The following RYR2 variants were observed in gnomAD, a reference collection of about 807,000 sequenced individuals.
RYR2 encodes the protein cardiac muscle ryanodine receptor-calcium release channel.
A neutral mutation model predicts 601.1 loss-of-function variants in RYR2; 227 were observed. The observed-to-expected ratio is 0.38, with a 90% confidence interval of 0.34 to 0.42. RYR2 has a LOEUF of 0.42. Ranked by LOEUF, RYR2 falls within the 10% of genes least tolerant of loss-of-function variation. The pLI, the probability that RYR2 is intolerant of heterozygous loss-of-function variation, is 1.00. For missense variants in RYR2, 4,646 were observed against 6,156.5 expected (o/e 0.75, Z 8.21); for synonymous variants, 2,223 against 2,175.1 (o/e 1.02, Z -0.61).
intron 10 of RYR2, among the ~76,000 whole-genome samples, chr1:237,400,839 T>A (rs2149929336): frequency 6.6e-6 from 1 of 152,234 alleles, no homozygotes; most frequent in Admixed American, 6.5e-5. Flanking sequence ...ATTTAGTGTT[T>A]GGAGCAGCCT....
At chr1:237,101,935 G>A (rs1380265527) in intron 1 of RYR2, among the ~76,000 whole-genome samples, 5 of 152,208 alleles carry the variant, frequency 3.3e-5, no homozygotes, top group African/African-American at 1.2e-4. Flanking sequence ...CTTGTTTAAA[G>A]TGTATTCGTA....
intron 26 of RYR2, among the ~76,000 whole-genome samples, chr1:237,549,596 C>G (rs927818744): frequency 6.8e-6 from 1 of 147,160 alleles, no homozygotes; most frequent in Non-Finnish European, 1.5e-5. Context: ...CTCTGGTTTA[C>G]CAGAACAACC....
At chr1:237,551,195 G>A (rs1218786522) in intron 27 of RYR2, among the ~76,000 whole-genome samples, 1 of 152,170 alleles carries the variant, frequency 6.6e-6, no homozygotes, top group Non-Finnish European at 1.5e-5. Flanking sequence ...ATTTTTAAAG[G>A]TTCTGCAAAG....
At chr1:237,333,560 C>T (rs1329139631) in intron 3 of RYR2, 1 of 454,930 alleles carries the variant, frequency 2.2e-6, no homozygotes, top group Non-Finnish European at 4.4e-6. Flanking sequence ...CAACTGTTTA[C>T]CAAGAAGGAT....
intron 73 of RYR2, 89 bp downstream of exon 73, chr1:237,718,610 A>C: frequency 1.6e-6 from 1 of 638,540 alleles, no homozygotes; most frequent in Non-Finnish European, 2.7e-6. Context: ...ATGTTACTTT[A>C]AACATTAAGG....
intron 81 of RYR2, among the ~76,000 whole-genome samples, chr1:237,757,002 A>AT (rs1300621152): frequency 6.6e-6 from 1 of 152,214 alleles, no homozygotes; most frequent in Non-Finnish European, 1.5e-5. Context: ...TTTCAAGATG[A>AT]TTTTTTGTAC....
intron 104 of RYR2, among the ~76,000 whole-genome samples, chr1:237,831,888 A>C (rs960699478): frequency 1.3e-5 from 2 of 152,138 alleles, no homozygotes. Flanking sequence ...GATGATTTCC[A>C]ATGAACTTCA....
At chr1:237,144,856 G>A (rs1490491336) in intron 1 of RYR2, among the ~76,000 whole-genome samples, 1 of 152,124 alleles carries the variant, frequency 6.6e-6, no homozygotes, top group African/African-American at 2.4e-5. Flanking sequence ...AGTGAAACAT[G>A]CATCCAACTC....
In RYR2 at chr1:237,830,690, A is replaced by G. The variant is rs570462366; in HGVS notation, c.14756+60A>G. ...CAGTAGACGCCACTGGTCCCTGCCC[A>G]TCTCAGAATAGAGAGGAAGTTTTTG... On this transcript the variant is annotated intron_variant, in intron 103 of 104. Transcript: ENST00000366574. 43 of 789,582 alleles carry G rather than the reference A, an allele frequency of 5.4e-5. No individual in the cohort carries two copies. In the South Asian group the frequency reaches 6.2e-4, roughly 11 times the overall value. 48.9% of individuals were successfully genotyped at this position (789,582 alleles called of 1,614,324 possible).
intron 1 of RYR2, among the ~76,000 whole-genome samples, chr1:237,138,322 C>G (rs1201502345): frequency 6.6e-6 from 1 of 152,188 alleles, no homozygotes; most frequent in African/African-American, 2.4e-5. Flanking sequence ...CGTGAGCCAC[C>G]ATGCCCATCC....
intron 2 of RYR2, among the ~76,000 whole-genome samples, chr1:237,276,553 T>C (rs1165331068): frequency 2.0e-5 from 3 of 152,092 alleles, no homozygotes; most frequent in Non-Finnish European, 4.4e-5. Flanking sequence ...AAATTGGTCC[T>C]TTGAAAAAAA....
intron 1 of RYR2, among the ~76,000 whole-genome samples, chr1:237,068,806 A>G (rs941996662): frequency 6.6e-6 from 1 of 152,156 alleles, no homozygotes; most frequent in Non-Finnish European, 1.5e-5. Flanking sequence ...GTATAAAATG[A>G]ACTTCCCTTT....
intron 17 of RYR2, among the ~76,000 whole-genome samples, chr1:237,488,968 G>T (rs1226439353): frequency 6.6e-6 from 1 of 152,244 alleles, no homozygotes; most frequent in African/African-American, 2.4e-5. Context: ...TCAGACCATA[G>T]CAGCCAGATA....
At chr1:237,628,219 TTTTA>T (rs948039954) in intron 41 of RYR2, 139 bp downstream of exon 41, 7 of 1,067,782 alleles carry the variant, frequency 6.6e-6, no homozygotes, top group East Asian at 2.6e-5. Context: ...CTTTTCTTTT[TTTTA>T]TTTATTATTA....
At chr1:237,675,643 G>A (rs1180563844) in intron 60 of RYR2, among the ~76,000 whole-genome samples, 1 of 151,980 alleles carries the variant, frequency 6.6e-6, no homozygotes, top group Non-Finnish European at 1.5e-5. Flanking sequence ...CACTCCTTTT[G>A]TCATTCAACA....
intron 6 of RYR2, among the ~76,000 whole-genome samples, chr1:237,370,511 G>C (rs1700550817): frequency 6.6e-6 from 1 of 152,124 alleles, no homozygotes; most frequent in Non-Finnish European, 1.5e-5. Context: ...ATAGGCTAAG[G>C]AGGAGGAAGA....
chr1:237,738,625 C>T (rs1191776601), intron 79 of RYR2, among the ~76,000 whole-genome samples: 4 of 152,042 alleles, frequency 2.6e-5, no homozygotes, highest in Non-Finnish European at 5.9e-5. Context: ...TTGGGCTCTA[C>T]TTATTGAATT....
chr1:237,785,061 C>A, intron 90 of RYR2, 89 bp downstream of exon 90: 1 of 944,164 alleles, frequency 1.1e-6, no homozygotes, highest in Non-Finnish European at 1.6e-6. Context: ...ATGCTAGTGC[C>A]AGAACGGTGT....
chr1:237,220,747 A>T (rs1683715651), intron 1 of RYR2, among the ~76,000 whole-genome samples: 1 of 152,210 alleles, frequency 6.6e-6, no homozygotes, highest in Non-Finnish European at 1.5e-5. Context: ...TTCAGGAAGT[A>T]CTGGTTGGGA....
Sources: allele counts gnomAD v4.1 joint callset (sites outside exome capture counted in the v4.1 genomes callset), GRCh38; gene constraint gnomAD v4.1.1; transcripts MANE v1.5; gene names NCBI Gene and HGNC (gene_info 2026-07-23, HGNC 2026-07-21).